The following KALRN variants were observed in gnomAD, a reference collection of about 807,000 sequenced individuals.
KALRN encodes the protein kalirin RhoGEF kinase, also known as kalirin.
Under a neutral mutation model 353.7 loss-of-function variants are expected in KALRN, and 70 were observed. That is an observed-to-expected ratio of 0.20 (90% CI 0.16 to 0.24). The LOEUF is 0.24. KALRN is among the 10% of genes least tolerant of loss of function. KALRN has a pLI of 1.00. For missense variants in KALRN, 2,791 were observed against 3,756.7 expected (o/e 0.74, Z 6.72); for synonymous variants, 1,391 against 1,434.8 (o/e 0.97, Z 0.69).
intron 1 of KALRN, among the ~76,000 whole-genome samples, chr3:124,179,994 TAC>T (rs754767275): frequency 2.2e-4 from 33 of 152,228 alleles, no homozygotes; most frequent in Non-Finnish European, 3.7e-4. Flanking sequence ...ATGCCCGAGA[TAC>T]ATAGTTGTAT....
intron 37 of KALRN, among the ~76,000 whole-genome samples, chr3:124,644,980 C>T (rs900277965): frequency 2.0e-5 from 3 of 152,246 alleles, no homozygotes; most frequent in African/African-American, 7.2e-5. Context: ...ACATTCTCTC[C>T]AGGATCTGTT....
At chr3:124,270,824 G>GTTTTTTTTTTTTTTTTTTTTTTTT (rs777615656) in intron 5 of KALRN, among the ~76,000 whole-genome samples, 5 of 78,654 alleles carry the variant, frequency 6.4e-5, no homozygotes, top group Admixed American at 1.4e-4. Flanking sequence ...TTTTTGTTTT[G>GTTTTTTTTTTTTTTTTTTTTTTTT]TTTTTTTTTT....
chr3:124,609,286 T>TA (rs2077676836), intron 34 of KALRN, among the ~76,000 whole-genome samples: 1 of 152,206 alleles, frequency 6.6e-6, no homozygotes, highest in Non-Finnish European at 1.5e-5. Flanking sequence ...TAAGTGTTTT[T>TA]ATCTGTTGAG....
chr3:124,699,140 T>C (rs1249842294), intron 55 of KALRN, among the ~76,000 whole-genome samples: 1 of 152,244 alleles, frequency 6.6e-6, no homozygotes, highest in Non-Finnish European at 1.5e-5. Context: ...AACCCATTTA[T>C]TTCTGCATCC....
chr3:124,574,863 G>A (rs917622422), intron 34 of KALRN, among the ~76,000 whole-genome samples: 3 of 152,212 alleles, frequency 2.0e-5, no homozygotes, highest in Non-Finnish European at 2.9e-5. Flanking sequence ...CAAAGGCCTT[G>A]AGGAGCAGCC....
intron 1 of KALRN, among the ~76,000 whole-genome samples, chr3:124,218,719 G>A (rs758230888): frequency 4.4e-4 from 67 of 152,314 alleles, no homozygotes; most frequent in Admixed American, 6.5e-4. Context: ...GAGGGAGGGC[G>A]GGAGGAAGAG....
intron 1 of KALRN, among the ~76,000 whole-genome samples, chr3:124,142,057 A>G (rs185672582): frequency 1.4e-4 from 21 of 152,194 alleles, no homozygotes; most frequent in East Asian, 3.9e-4. Flanking sequence ...GGAAACATTT[A>G]TCTCCCTCTC....
chr3:124,264,479 A>G lies in KALRN; in HGVS notation c.264-19A>G, dbSNP rs1197362653. 1.2e-6 allele frequency: 2 copies of G among 1,610,458 alleles called. No individual in the cohort carries two copies. The highest frequency in any genetic ancestry group is 1.7e-6 in the Non-Finnish European group (2 of 1,177,902). ...TCAGCTACCCAGAGTGACCATACCG[A>G]CCTCTGACCTCCCCACAGTGAGGAC... On this transcript the variant is annotated intron_variant, in intron 3 of 59. Transcript: ENST00000682506.
chr3:124,256,194 C>T (rs1050593527), intron 3 of KALRN, among the ~76,000 whole-genome samples: 1 of 152,140 alleles, frequency 6.6e-6, no homozygotes, highest in Non-Finnish European at 1.5e-5. Context: ...GAGAAAGTGG[C>T]ATTTGTCTCC....
chr3:124,360,027 C>T (rs2083846896), intron 10 of KALRN, among the ~76,000 whole-genome samples: 1 of 152,210 alleles, frequency 6.6e-6, no homozygotes, highest in African/African-American at 2.4e-5. Context: ...ACAAGGAAAG[C>T]CAATAGAGTA....
chr3:124,395,307 C>A lies in KALRN; in HGVS notation c.2135C>A (p.Ser712Ter), dbSNP rs1185089231. ...GAAGACCTTATCCAGCAGCTCAGGT[C>A]AGCGCCTCCCTCCCTCGGGGAGCCC... ...EGEDLIQQLR[S>*]APPSLGEPSE... Residue 712 changes from serine (S) to a stop codon, truncating the protein, a stop_gained, in exon 12 of 60, where the codon TCA (serine) becomes TAA (stop). Coordinates refer to ENST00000682506, the MANE Select transcript of KALRN (RefSeq NM_001388419.1). LOFTEE classifies it high-confidence loss of function. The A allele has an allele frequency of 1.2e-6, 2 of 1,613,546 alleles. No individual in the cohort carries two copies. Among genetic ancestry groups the A allele is most frequent in the Admixed American group, 1.7e-5 (1 of 59,920 alleles).
intron 1 of KALRN, among the ~76,000 whole-genome samples, chr3:124,090,992 A>C (rs1249872370): frequency 3.9e-5 from 6 of 152,192 alleles, no homozygotes; most frequent in Non-Finnish European, 4.4e-5. Flanking sequence ...GGACCTAAGA[A>C]GCCCGTTCAC....
intron 33 of KALRN, among the ~76,000 whole-genome samples, chr3:124,526,885 C>T (rs1012941088): frequency 6.6e-6 from 1 of 152,166 alleles, no homozygotes; most frequent in Non-Finnish European, 1.5e-5. Flanking sequence ...GTATCCATCA[C>T]ATCATTCATT....
chr3:124,640,589 A>G (rs2081933385), intron 37 of KALRN, among the ~76,000 whole-genome samples: 1 of 152,030 alleles, frequency 6.6e-6, no homozygotes, highest in Non-Finnish European at 1.5e-5. Context: ...CAGCCAATGC[A>G]TTCTATTATT....
intron 5 of KALRN, among the ~76,000 whole-genome samples, chr3:124,271,514 T>C (rs2074166319): frequency 1.3e-5 from 2 of 152,218 alleles, no homozygotes; most frequent in Non-Finnish European, 1.5e-5. Context: ...AAGAATTGTA[T>C]AGTACATTGA....
intron 11 of KALRN, among the ~76,000 whole-genome samples, chr3:124,385,995 T>C (rs542149085): frequency 1.3e-4 from 20 of 152,172 alleles, no homozygotes; most frequent in Non-Finnish European, 2.8e-4. Context: ...TGAATTTTAA[T>C]ATTGGGAATG....
intron 1 of KALRN, among the ~76,000 whole-genome samples, chr3:124,077,024 G>T (rs1484390768): frequency 6.6e-6 from 1 of 152,256 alleles, no homozygotes; most frequent in Non-Finnish European, 1.5e-5. Context: ...TCGGTTTACA[G>T]ATTAGGAAAC....
At chr3:124,519,285 A>G (rs947175833) in intron 33 of KALRN, 2 of 968,362 alleles carry the variant, frequency 2.1e-6, no homozygotes, top group African/African-American at 3.5e-5. Flanking sequence ...TCATTATACC[A>G]TTCTCCCCAC....
intron 41 of KALRN, 119 bp downstream of exon 41, chr3:124,657,922 G>A (rs1233732445): frequency 4.1e-6 from 3 of 730,082 alleles, no homozygotes; most frequent in Non-Finnish European, 7.0e-6. Flanking sequence ...AGGAGGCCAA[G>A]GTGGGAGGGT....
Sources: allele counts gnomAD v4.1 joint callset (sites outside exome capture counted in the v4.1 genomes callset), GRCh38; gene constraint gnomAD v4.1.1; transcripts MANE v1.5; gene names NCBI Gene and HGNC (gene_info 2026-07-23, HGNC 2026-07-21).